The following VPS8 variants were observed in gnomAD, a reference collection of about 807,000 sequenced individuals.
VPS8 encodes vacuolar protein sorting-associated protein 8 homolog.
Under a neutral mutation model 216.4 loss-of-function variants are expected in VPS8, and 129 were observed. The observed-to-expected ratio is 0.60, with a 90% CI of 0.52 to 0.69. The LOEUF (loss-of-function observed/expected upper bound fraction) is 0.69. Among genes scored for constraint, VPS8 ranks in the 30% least tolerant of loss-of-function variants. The pLI is 0.00. For synonymous variants in VPS8, 571 were observed against 565.4 expected (o/e 1.01, Z -0.14); for missense variants, 1,531 against 1,683.5 (o/e 0.91, Z 1.59).
At chr3:184,957,126 T>G (rs1445990384) in intron 36 of VPS8, among the ~76,000 whole-genome samples, 5 of 152,226 alleles carry the variant, frequency 3.3e-5, no homozygotes, top group Non-Finnish European at 7.3e-5. Context: ...TAGAAGAGTT[T>G]CAACTGAATG....
chr3:184,837,710 A>G (rs758536725), intron 5 of VPS8, among the ~76,000 whole-genome samples: 1 of 152,162 alleles, frequency 6.6e-6, no homozygotes, highest in Non-Finnish European at 1.5e-5. Flanking sequence ...GCCTTCTGAG[A>G]GATGATAATA....
intron 45 of VPS8, among the ~76,000 whole-genome samples, chr3:185,005,803 G>C (rs1754166427): frequency 6.6e-6 from 1 of 152,036 alleles, no homozygotes; most frequent in Non-Finnish European, 1.5e-5. Flanking sequence ...TATTGGATGG[G>C]TCTTTAGGGT....
intron 47 of VPS8, among the ~76,000 whole-genome samples, chr3:185,049,686 C>A (rs1399055082): frequency 1.3e-5 from 2 of 152,142 alleles, no homozygotes; most frequent in Admixed American, 6.6e-5. Context: ...CTTCTTCACT[C>A]CCCAAATCAC....
intron 25 of VPS8, among the ~76,000 whole-genome samples, chr3:184,901,944 A>G (rs1340875249): frequency 1.3e-5 from 2 of 152,196 alleles, no homozygotes; most frequent in Non-Finnish European, 2.9e-5. Flanking sequence ...AGCACTTGAT[A>G]CTGTCAGTGT....
intron 30 of VPS8, among the ~76,000 whole-genome samples, 165 bp from the exon 31 acceptor site, chr3:184,926,429 A>G (rs1013423051): frequency 6.6e-6 from 1 of 151,594 alleles, no homozygotes; most frequent in Non-Finnish European, 1.5e-5. Context: ...ACCTGATGTT[A>G]CATGTACTGG....
chr3:184,882,544 G>C (rs1730458044), intron 21 of VPS8: 1 of 314,362 alleles, frequency 3.2e-6, no homozygotes, highest in Admixed American at 4.3e-5. Flanking sequence ...TGGCTTTTCA[G>C]GTTTTTGTAT....
intron 3 of VPS8, among the ~76,000 whole-genome samples, chr3:184,828,011 G>A (rs910212968): frequency 5.3e-5 from 8 of 152,104 alleles, no homozygotes; most frequent in Admixed American, 2.0e-4. Context: ...AAATGAAAAG[G>A]GCCGAAGTAG....
intron 6 of VPS8, chr3:184,838,999 T>C (rs1291265680): frequency 7.9e-6 from 3 of 382,134 alleles, no homozygotes; most frequent in Non-Finnish European, 1.4e-5. Context: ...GTTTATTTGT[T>C]TGTAGTACTA....
intron 26 of VPS8, 40 bp downstream of exon 26, chr3:184,913,601 T>C: frequency 6.8e-7 from 1 of 1,478,410 alleles, no homozygotes; most frequent in Non-Finnish European, 9.2e-7. Flanking sequence ...GTATGTTCTT[T>C]CTATATTTTT....
intron 40 of VPS8, among the ~76,000 whole-genome samples, chr3:184,978,995 T>C (rs1187258000): frequency 1.3e-5 from 2 of 152,230 alleles, no homozygotes; most frequent in African/African-American, 2.4e-5. Flanking sequence ...TCTGGTATGC[T>C]GTATCTTTGT....
intron 5 of VPS8, among the ~76,000 whole-genome samples, chr3:184,835,684 A>G (rs1302421276): frequency 6.6e-6 from 1 of 151,530 alleles, no homozygotes; most frequent in African/African-American, 2.4e-5. Context: ...TCCAAGTTGG[A>G]CAAGAAATAA....
intron 40 of VPS8, among the ~76,000 whole-genome samples, chr3:184,978,534 G>A (rs1347017629): frequency 6.6e-6 from 1 of 151,816 alleles, no homozygotes; most frequent in East Asian, 1.9e-4. Context: ...TAGAGTAGCT[G>A]GGACTATAGG....
chr3:184,858,470 G>T (rs1725690680), intron 14 of VPS8, among the ~76,000 whole-genome samples: 1 of 152,208 alleles, frequency 6.6e-6, no homozygotes, highest in Non-Finnish European at 1.5e-5. Flanking sequence ...TGCCAATGCA[G>T]TCTTTTTCAC....
Position 184,834,129 on chromosome 3 carries a change from C to T in VPS8, c.354-520C>T, listed in dbSNP as rs530040562. On this transcript the variant is annotated intron_variant, in intron 4 of 47. Coordinates refer to ENST00000625842, the MANE Select transcript of VPS8 (RefSeq NM_001009921.3). Reference sequence around the variant, plus strand: ...AGGGTGGTCATAGGAGAAGCAGCAGCACAGGAAAGGTGAGCAAGGGTAAGA... The same window carrying T: ...AGGGTGGTCATAGGAGAAGCAGCAGTACAGGAAAGGTGAGCAAGGGTAAGA... Among the ~76,000 whole-genome samples, 5 of 152,226 alleles carry T rather than the reference C, an allele frequency of 3.3e-5. No individual in the cohort carries two copies. In the East Asian group the frequency reaches 5.8e-4, roughly 18 times the overall value.
At chr3:184,955,242 C>T (rs1477209830) in intron 36 of VPS8, among the ~76,000 whole-genome samples, 1 of 152,220 alleles carries the variant, frequency 6.6e-6, no homozygotes, top group Admixed American at 6.5e-5. Flanking sequence ...TCAGTGGTCA[C>T]TCTCCTTGTC....
At position 184,936,180 on chromosome 3, in the gene VPS8, C is replaced by T. The variant is rs1399792111; in HGVS notation, c.2899-66C>T. The T allele has an allele frequency of 1.4e-4, 191 of 1,400,498 alleles. 1 individual carries two copies. Among genetic ancestry groups the T allele is most frequent in the Non-Finnish European group, 1.8e-5 (18 of 1,011,428 alleles). 86.8% of individuals were successfully genotyped at this position (1,400,498 alleles called of 1,614,324 possible). On this transcript the variant is annotated intron_variant, in intron 34 of 47. Coordinates refer to ENST00000625842, the MANE Select transcript of VPS8 (RefSeq NM_001009921.3). ...TGTATTGAGGTAGGTAATCGTGCCTCACATCTGTGGATATGCTGTTTAAAT... is the reference window on the plus strand; with the variant it reads ...TGTATTGAGGTAGGTAATCGTGCCTTACATCTGTGGATATGCTGTTTAAAT...
intron 25 of VPS8, among the ~76,000 whole-genome samples, chr3:184,905,775 C>T (rs1032042829): frequency 6.6e-6 from 1 of 151,944 alleles, no homozygotes; most frequent in Non-Finnish European, 1.5e-5. Flanking sequence ...AGAAACTTAG[C>T]CTGTAAACAT....
chr3:185,013,298 T>C (rs530532619), intron 45 of VPS8, among the ~76,000 whole-genome samples: 174 of 152,320 alleles, frequency 1.1e-3, no homozygotes, highest in Admixed American at 4.2e-3. Flanking sequence ...ATGTCCTCCT[T>C]CTTTGTTTTG....
At chr3:184,886,663 T>C (rs1731329471) in intron 22 of VPS8, among the ~76,000 whole-genome samples, 1 of 151,814 alleles carries the variant, frequency 6.6e-6, no homozygotes, top group African/African-American at 2.4e-5. Context: ...CACTGCAACC[T>C]CCGCCTCCCG....
Sources: allele counts gnomAD v4.1 joint callset (sites outside exome capture counted in the v4.1 genomes callset), GRCh38; gene constraint gnomAD v4.1.1; transcripts MANE v1.5; gene names NCBI Gene and HGNC (gene_info 2026-07-23, HGNC 2026-07-21).